The following TRPC5 variants were observed in gnomAD, a reference collection of about 807,000 sequenced individuals.
The protein encoded by TRPC5 is transient receptor potential cation channel subfamily C member 5, also known as short transient receptor potential channel 5.
TRPC5 carries 9 observed loss-of-function variants against 56.5 expected under a neutral mutation model. The observed-to-expected ratio is 0.16, with a 90% CI of 0.10 to 0.28. The LOEUF (loss-of-function observed/expected upper bound fraction) is 0.28, where lower values mean the gene tolerates loss of function less well. TRPC5 is among the 10% of genes least tolerant of loss of function. The pLI is 1.00. For synonymous variants in TRPC5, 282 were observed against 278.5 expected, an observed-to-expected ratio of 1.01 and a Z score of -0.13; for missense variants, 469 against 748.9, an observed-to-expected ratio of 0.63 and a Z score of 4.36.
chrX:111,861,717 G>A (rs764161835), intron 3 of TRPC5, among the ~76,000 whole-genome samples: 3 of 111,317 alleles, frequency 2.7e-5, no homozygotes, highest in Non-Finnish European at 3.8e-5. Context: ...GGGTAAAATC[G>A]GAAGATGAGT....
chrX:111,948,429 T>A (rs1603112786), intron 2 of TRPC5, among the ~76,000 whole-genome samples: 1 of 110,702 alleles, frequency 9.0e-6, no homozygotes, highest in Admixed American at 9.6e-5. Context: ...GCATGCTGAG[T>A]GCTTAGAAAA....
chrX:112,016,865 T>G (rs1482816919), intron 1 of TRPC5, among the ~76,000 whole-genome samples: 1 of 112,387 alleles, frequency 8.9e-6, no homozygotes, highest in Admixed American at 9.4e-5. Context: ...AGTTTTTGCC[T>G]GTAAACAAAA....
At chrX:112,051,952 T>C (rs1930225055) in intron 1 of TRPC5, among the ~76,000 whole-genome samples, 1 of 112,034 alleles carries the variant, frequency 8.9e-6, no homozygotes, top group African/African-American at 3.2e-5. Flanking sequence ...TGTGTCAGAA[T>C]TTCCTTCCTT....
chrX:111,786,645 T>G (rs964491240), intron 7 of TRPC5, among the ~76,000 whole-genome samples: 1 of 110,411 alleles, frequency 9.1e-6, no homozygotes, highest in African/African-American at 3.3e-5. Context: ...TCAAGACCCA[T>G]GAGTGTGCTG....
At chrX:112,067,205 T>C (rs1930605440) in intron 1 of TRPC5, among the ~76,000 whole-genome samples, 1 of 112,005 alleles carries the variant, frequency 8.9e-6, no homozygotes, top group Non-Finnish European at 1.9e-5. Context: ...GGGGGGTCCC[T>C]GGAACTTGTA....
intron 7 of TRPC5, among the ~76,000 whole-genome samples, chrX:111,832,977 A>T (rs1030176028): frequency 9.0e-6 from 1 of 111,494 alleles, no homozygotes; most frequent in Non-Finnish European, 1.9e-5. Flanking sequence ...GAAAATTACA[A>T]ATGCCTTTGC....
intron 2 of TRPC5, among the ~76,000 whole-genome samples, chrX:111,942,230 G>A (rs1300328217): frequency 8.9e-6 from 1 of 112,173 alleles, no homozygotes; most frequent in Non-Finnish European, 1.9e-5. Context: ...ATCTCTTGAT[G>A]ATGTCACTCT....
intron 1 of TRPC5, among the ~76,000 whole-genome samples, chrX:112,008,382 G>A (rs762979773): frequency 2.7e-5 from 3 of 111,361 alleles, no homozygotes; most frequent in African/African-American, 9.8e-5. Flanking sequence ...ACGAGGTCAG[G>A]AGATCGAGAC....
At chrX:111,867,859 A>G (rs1165688131) in intron 3 of TRPC5, among the ~76,000 whole-genome samples, 39 of 112,302 alleles carry the variant, frequency 3.5e-4, no homozygotes, top group Non-Finnish European at 1.9e-5. Flanking sequence ...TTCACCTTGC[A>G]GTCTATATGT....
At chrX:112,081,405 C>G (rs1465459573) in intron 1 of TRPC5, among the ~76,000 whole-genome samples, 1 of 111,221 alleles carries the variant, frequency 9.0e-6, no homozygotes, top group Non-Finnish European at 1.9e-5. Context: ...TAAATGGGGA[C>G]CCTGGTTCCT....
chrX:112,004,387 T>C (rs1928777975), intron 1 of TRPC5, among the ~76,000 whole-genome samples: 1 of 111,633 alleles, frequency 9.0e-6, no homozygotes, highest in Admixed American at 9.6e-5. Context: ...TAGGAGGTAA[T>C]GAAGTGAGAT....
At chrX:111,790,294 C>A (rs1257041151) in intron 7 of TRPC5, among the ~76,000 whole-genome samples, 2 of 111,284 alleles carry the variant, frequency 1.8e-5, no homozygotes, top group Admixed American at 1.9e-4. Context: ...TCATTCTCAG[C>A]AAACTATCAC....
In TRPC5 at chrX:111,785,497, G is replaced by A. The variant is rs756200043; in HGVS notation, c.1897-3359C>T. On this transcript the variant is annotated intron_variant, in intron 7 of 10. Transcript: ENST00000262839. ...AGCTGAAGATTCTAAAAATCAGAGC[G>A]CCTCTTCTCCTCCAAAGAATCACAT... Among the ~76,000 whole-genome samples the A allele has an allele frequency of 4.0e-4, 43 of 107,171 alleles. No homozygotes were observed. In the South Asian group the frequency reaches 0.012, roughly 29 times the overall value. 93.1% of individuals were successfully genotyped at this position (107,171 alleles called of 115,157 possible).
chrX:111,915,613 A>G (rs1055167686), intron 2 of TRPC5, among the ~76,000 whole-genome samples: 1 of 111,591 alleles, frequency 9.0e-6, no homozygotes, highest in East Asian at 2.8e-4. Flanking sequence ...CAAGAAAATC[A>G]CTTTTCTGAT....
At chrX:112,008,599 C>CAAAAAAAAAAAAAAA (rs771663324) in intron 1 of TRPC5, among the ~76,000 whole-genome samples, 11 of 74,029 alleles carry the variant, frequency 1.5e-4, no homozygotes, top group African/African-American at 4.5e-4. Context: ...GACTCTGTCT[C>CAAAAAAAAAAAAAAA]AAAAAAAAAA....
At chrX:111,797,496 G>T (rs188285707) in intron 7 of TRPC5, among the ~76,000 whole-genome samples, 141 of 111,585 alleles carry the variant, frequency 1.3e-3, no homozygotes, top group South Asian at 5.9e-3. Flanking sequence ...TGGGTCAAGT[G>T]TGCAGTAAGT....
chrX:111,950,948 C>T (rs746539645), intron 2 of TRPC5, among the ~76,000 whole-genome samples: 1 of 111,935 alleles, frequency 8.9e-6, no homozygotes, highest in Non-Finnish European at 1.9e-5. Flanking sequence ...TTTTAGTGAA[C>T]CTTTAGACAG....
chrX:111,792,316 G>A (rs934580291), intron 7 of TRPC5, among the ~76,000 whole-genome samples: 1 of 110,416 alleles, frequency 9.1e-6, no homozygotes, highest in Admixed American at 9.6e-5. Flanking sequence ...GGGGTCGGGG[G>A]CAAGGGGAGG....
At chrX:111,811,030 G>A (rs372125929) in intron 7 of TRPC5, among the ~76,000 whole-genome samples, 4 of 111,884 alleles carry the variant, frequency 3.6e-5, no homozygotes, top group African/African-American at 1.3e-4. Context: ...GATGTGGAAC[G>A]GAAATGAGAA....
Sources: allele counts gnomAD v4.1 joint callset (sites outside exome capture counted in the v4.1 genomes callset), GRCh38; gene constraint gnomAD v4.1.1; transcripts MANE v1.5; gene names NCBI Gene and HGNC (gene_info 2026-07-23, HGNC 2026-07-21).